The following SLC22A14 variants were observed in gnomAD, a reference collection of about 807,000 sequenced individuals.
The protein encoded by SLC22A14 is organic cation transporter-like 4.
In SLC22A14, 50 loss-of-function variants were observed where a neutral mutation model predicts 53.9. That is an observed-to-expected ratio of 0.93 (90% CI 0.74 to 1.17). The LOEUF (loss-of-function observed/expected upper bound fraction) is 1.17. Among genes scored for constraint, SLC22A14 ranks in the 50% most tolerant of loss-of-function variants. SLC22A14 has a pLI of 0.00. For missense variants in SLC22A14, 671 were observed against 734.7 expected, an observed-to-expected ratio of 0.91 and a Z score of 1.00; for synonymous variants, 312 against 303.0, an observed-to-expected ratio of 1.03 and a Z score of -0.31.
In SLC22A14 at chr3:38,318,547, T is replaced by C; in HGVS notation, c.*298T>C. The C allele has an allele frequency of 2.9e-6, 1 of 349,360 alleles. No homozygotes were observed. The highest frequency in any genetic ancestry group is 4.1e-5 in the Admixed American group (1 of 24,258). 21.6% of individuals were successfully genotyped at this position (349,360 alleles called of 1,614,324 possible). ...TCTGCAGGAGCTCTGCTGTGATTCA[T>C]TCCAATAAAGGTACAATGTTGGTCT... On this transcript the variant is annotated 3_prime_UTR_variant, in exon 11 of 11. Transcript: ENST00000448498.
rs367908128 is a variant in SLC22A14, at chr3:38,307,532, G to A, written c.621-34G>A. On this transcript the variant is annotated intron_variant, in intron 3 of 10. Transcript: ENST00000448498. This position sits in a 1 kb window ranked among gnomAD's most constrained non-coding sequence, Gnocchi z 4.4. The stretch of plus-strand genomic sequence containing the variant: ...GGCTGGGGCCAGCCCGGGAGATCCC[G>A]GCACTTGGTGCAGCCTCCCTTTGAC... 1.3e-5 allele frequency: 21 copies of A among 1,607,986 alleles called. No individual in the cohort carries two copies. Among genetic ancestry groups the A allele is most frequent in the Admixed American group, 3.3e-5 (2 of 59,786 alleles).
chr3:38,316,198 T>C, intron 9 of SLC22A14, 126 bp from the exon 10 acceptor site: 1 of 809,054 alleles, frequency 1.2e-6, no homozygotes, highest in East Asian at 2.5e-5. Flanking sequence ...ATTGCCTACT[T>C]GGAATCACAC....
At chr3:38,296,903 G>A (rs541529752) in intron 1 of SLC22A14, among the ~76,000 whole-genome samples, 4 of 152,194 alleles carry the variant, frequency 2.6e-5, no homozygotes, top group Non-Finnish European at 4.4e-5. Flanking sequence ...TCGGAGGGGT[G>A]GAAGTCAGCG....
chr3:38,316,062 G>A (rs539535312), intron 9 of SLC22A14, among the ~76,000 whole-genome samples: 24 of 152,332 alleles, frequency 1.6e-4, no homozygotes, highest in African/African-American at 5.3e-4. Flanking sequence ...GGTTGGCGAT[G>A]GGAGCACTAT....
At position 38,313,753 on chromosome 3, in the gene SLC22A14, C is replaced by A. The variant is rs147859936; in HGVS notation, c.1190C>A (p.Thr397Lys). ...VWFTVSYTYF[T>K]LSLRMRELGV... is the part of the protein sequence containing the mutation. ...TTTACCGTCAGTTACACCTATTTTA[C>A]GTTGAGCCTGAGAATGAGAGAGCTG... Residue 397 changes from threonine to lysine, a missense_variant, in exon 8 of 11, where the codon ACG (threonine) becomes AAG (lysine). Physicochemically the swap from Thr to Lys is moderately conservative, Grantham distance 78 (BLOSUM62 -1). Coordinates refer to ENST00000448498, the MANE Select transcript of SLC22A14 (RefSeq NM_001320033.2). 1 of 1,609,202 alleles carries A rather than the reference C, an allele frequency of 6.2e-7. No individual in the cohort carries two copies. The highest frequency in any genetic ancestry group is 8.5e-7 in the Non-Finnish European group (1 of 1,177,142).
rs928889651 is a variant in SLC22A14, at chr3:38,307,008, C to A, written c.517-246C>A. ...GATTCCTGCCTTTGCTCAGCTACCC[C>A]CTACCCCACACACACATCTTGGCCT... On this transcript the variant is annotated intron_variant, in intron 2 of 10. Transcript: ENST00000448498. This position sits in a 1 kb window ranked among gnomAD's most constrained non-coding sequence, Gnocchi z 4.4. 6.6e-6 allele frequency among the ~76,000 whole-genome samples: 1 copy of A among 152,210 alleles called. No individual in the cohort carries two copies. Among genetic ancestry groups the A allele is most frequent in the African/African-American group, 2.4e-5 (1 of 41,456 alleles).
In SLC22A14 at chr3:38,313,803, G is replaced by A. The variant is rs760758304; in HGVS notation, c.1240G>A (p.Val414Met). ...GGGCGTGAGCGTCCACTTCAGACAC[G>A]TGGTCCCCAGCATCATGGAGGTGCC... ...ELGVSVHFRH[V>M]VPSIMEVPAR... The change falls in exon 8 of 11, where the codon GTG becomes ATG. Residue 414 changes from valine to methionine, a missense_variant. By Grantham distance (21) the Val-to-Met change is conservative. Coordinates refer to ENST00000448498, the MANE Select transcript of SLC22A14 (RefSeq NM_001320033.2). 1.5e-5 allele frequency: 25 copies of A among 1,613,922 alleles called. No individual in the cohort carries two copies. The highest frequency in any genetic ancestry group is 1.2e-4 in the South Asian group (11 of 91,088).
chr3:38,295,018 G>T (rs1166102788), intron 1 of SLC22A14, among the ~76,000 whole-genome samples: 1 of 152,172 alleles, frequency 6.6e-6, no homozygotes, highest in Admixed American at 6.5e-5. Flanking sequence ...CAGATCCAAC[G>T]TTTGAGCAGA....
Position 38,306,474 on chromosome 3 carries a change from A to C in SLC22A14, c.448A>C (p.Asn150His). The part of the protein sequence containing the change: ...NLDSIIQFGL[N>H]DTDTCQDGWI... ...GGATTCTATCATCCAGTTTGGCCTC[A>C]ATGACACAGACACATGCCAAGATGG... The change falls in exon 2 of 11, where the codon AAT (asparagine) becomes CAT (histidine). Residue 150 changes from asparagine to histidine, a missense_variant. Asn to His is a moderately conservative substitution (Grantham distance 68). Transcript: ENST00000448498. The C allele has an allele frequency of 6.2e-7, 1 of 1,614,150 alleles. No individual in the cohort carries two copies. The highest frequency in any genetic ancestry group is 1.7e-5 in the Admixed American group (1 of 60,024).
chr3:38,289,394 C>A (rs999795991), intron 1 of SLC22A14, among the ~76,000 whole-genome samples: 10 of 152,122 alleles, frequency 6.6e-5, no homozygotes, highest in African/African-American at 2.4e-4. Context: ...ATCCAGGATC[C>A]CACACTGTGA....
chr3:38,295,904 A>G (rs566953695), intron 1 of SLC22A14, among the ~76,000 whole-genome samples: 20 of 152,172 alleles, frequency 1.3e-4, no homozygotes, highest in Non-Finnish European at 2.9e-4. Context: ...ATAACTGCCC[A>G]TGTTGAGAGC....
chr3:38,311,404 A>G (rs1312420766), intron 5 of SLC22A14, among the ~76,000 whole-genome samples: 1 of 152,214 alleles, frequency 6.6e-6, no homozygotes, highest in Non-Finnish European at 1.5e-5. Context: ...CTCCTTATCA[A>G]ACAGTAGCTT....
intron 1 of SLC22A14, among the ~76,000 whole-genome samples, chr3:38,304,792 G>A (rs749499421): frequency 1.3e-5 from 2 of 152,024 alleles, no homozygotes; most frequent in East Asian, 1.9e-4. Context: ...TTTATTTATC[G>A]TGCCTAAGTT....
chr3:38,305,764 T>A (rs755249838), intron 1 of SLC22A14: 8 of 481,660 alleles, frequency 1.7e-5, no homozygotes, highest in Non-Finnish European at 2.9e-5. Flanking sequence ...TCCTAAGAAC[T>A]TAGTCCTTCA....
At chr3:38,311,817 A>G (rs772177596) in intron 5 of SLC22A14, among the ~76,000 whole-genome samples, 5 of 152,200 alleles carry the variant, frequency 3.3e-5, no homozygotes, top group Non-Finnish European at 7.3e-5. Context: ...CATTCTGTTC[A>G]TGACCTCTTC....
Position 38,306,472 on chromosome 3 carries a change from T to C in SLC22A14, c.446T>C (p.Leu149Pro), listed in dbSNP as rs1704308966. The C allele has an allele frequency of 6.2e-7, 1 of 1,614,186 alleles. No individual in the cohort carries two copies. ...CTGGATTCTATCATCCAGTTTGGCC[T>C]CAATGACACAGACACATGCCAAGAT... ...WNLDSIIQFGLNDTDTCQDGW... is the reference protein window; with the variant it reads ...WNLDSIIQFGPNDTDTCQDGW... Residue 149 changes from leucine (L) to proline (P), a missense_variant, in exon 2 of 11, where the codon CTC becomes CCC. Coordinates refer to ENST00000448498, the MANE Select transcript of SLC22A14 (RefSeq NM_001320033.2).
At chr3:38,312,159 C>T (rs1397445923) in intron 5 of SLC22A14, among the ~76,000 whole-genome samples, 1 of 152,122 alleles carries the variant, frequency 6.6e-6, no homozygotes, top group Non-Finnish European at 1.5e-5. Context: ...TCAGCAGGCA[C>T]AGTTTTATTA....
chr3:38,303,113 TTTTTA>T (rs1485284341), intron 1 of SLC22A14, among the ~76,000 whole-genome samples: 2 of 152,086 alleles, frequency 1.3e-5, no homozygotes, highest in African/African-American at 4.8e-5. Flanking sequence ...TGTATCTTCT[TTTTTA>T]TTTTATTTTT....
rs1377359963 is a variant in SLC22A14 at position 38,286,906 on chromosome 3, A to AT, written c.-1+4577dup. On this transcript the variant is annotated intron_variant, in intron 1 of 10. Coordinates refer to ENST00000448498, the MANE Select transcript of SLC22A14 (RefSeq NM_001320033.2). The stretch of plus-strand genomic sequence containing the variant: ...ACCATCATGCCTGGCTAATTTTTGT[A>AT]TTTTTTTTTTACTGGAGACCGGGTT... Among the ~76,000 whole-genome samples, 391 of 134,298 alleles carry AT rather than the reference A, an allele frequency of 2.9e-3. No individual in the cohort carries two copies. In the Middle Eastern group the frequency reaches 0.034, roughly 12 times the overall value. 88.1% of individuals were successfully genotyped at this position (134,298 alleles called of 152,430 possible). A position where few individuals can be genotyped will look rare whatever the true frequency, so the allele number is the denominator to read the frequency against.
Sources: gnomAD v4.1 joint callset for allele counts (sites outside exome capture counted in the v4.1 genomes callset) on GRCh38, gnomAD v4.1.1 for gene constraint, Gnocchi (gnomAD v3.1) non-coding constraint, MANE v1.5 for transcripts, NCBI Gene and HGNC (gene_info 2026-07-23, HGNC 2026-07-21) for gene names.